AGBL1: variants seen among roughly 807,000 people sequenced by gnomAD.
AGBL1 encodes the protein AGBL carboxypeptidase 1.
In AGBL1, 130 loss-of-function variants were observed where a neutral mutation model predicts 118.9. The observed-to-expected ratio is 1.09, with a 90% confidence interval of 0.95 to 1.26. AGBL1 has a LOEUF of 1.26. AGBL1 is among the 50% of genes most tolerant of loss of function. The pLI is 0.00. For missense variants in AGBL1, 1,584 were observed against 1,298.1 expected (o/e 1.22, Z -3.38); for synonymous variants, 555 against 478.9 (o/e 1.16, Z -2.08).
intron 22 of AGBL1, among the ~76,000 whole-genome samples, chr15:86,888,721 C>A (rs2080007641): frequency 1.3e-5 from 2 of 151,892 alleles, no homozygotes; most frequent in African/African-American, 2.4e-5. Flanking sequence ...CCTCAAGCTG[C>A]TTTAAAACAT....
At position 86,286,735 on chromosome 15, in the gene AGBL1, G is replaced by GTGTATATATATATATATATATATATATA; in HGVS notation, c.2220+6953_2220+6954insGTATATATATATATATATATATATATAT. 1.9e-3 allele frequency among the ~76,000 whole-genome samples: 197 copies of GTGTATATATATATATATATATATATATA among 106,266 alleles called. 15 individuals carry two copies. Among genetic ancestry groups the GTGTATATATATATATATATATATATATA allele is most frequent in the African/African-American group, 5.0e-3 (129 of 25,752 alleles). The allele number at this position is 106,266 out of a possible 152,430, so 69.7% of individuals were successfully genotyped here. On this transcript the variant is annotated intron_variant, in intron 16 of 22. Coordinates refer to ENST00000614907, the MANE Select transcript of AGBL1 (RefSeq NM_001386094.1). ...TATATGTGTGTGTGTGTTTGTGTGTGTATATATATATATAAAACTCCATCA... is the reference window on the plus strand; with the variant it reads ...TATATGTGTGTGTGTGTTTGTGTGTGTGTATATATATATATATATATATATATATATATATATATATAAAACTCCATCA...
intron 22 of AGBL1, among the ~76,000 whole-genome samples, chr15:86,730,907 A>C (rs2077518096): frequency 6.6e-6 from 1 of 152,076 alleles, no homozygotes; most frequent in Admixed American, 6.6e-5. Context: ...GGCTCACTGA[A>C]ACCTCGGCCT....
chr15:86,224,823 G>A (rs2078334464), intron 5 of AGBL1, 91 bp from the exon 6 acceptor site: 2 of 1,221,504 alleles, frequency 1.6e-6, no homozygotes, highest in Non-Finnish European at 2.4e-6. Flanking sequence ...GGTCTGTTAT[G>A]GGGTGGCAAT....
At chr15:86,085,953 T>C (rs1871980557) in intron 1 of AGBL1, among the ~76,000 whole-genome samples, 1 of 152,148 alleles carries the variant, frequency 6.6e-6, no homozygotes, top group Admixed American at 6.5e-5. Flanking sequence ...TGAGCCCAGA[T>C]TTTGGATCTG....
intron 22 of AGBL1, among the ~76,000 whole-genome samples, chr15:86,721,403 C>T (rs7496842): frequency 0.61 from 92,148 of 151,992 alleles, 28,595 homozygotes; most frequent in African/African-American, 0.74. Context: ...AAAAACCATA[C>T]GATTATCTCA....
chr15:86,305,207 T>A (rs941781880), intron 17 of AGBL1: 1 of 152,194 alleles, frequency 6.6e-6, no homozygotes, highest in Non-Finnish European at 1.5e-5. Flanking sequence ...TAGCCAGGCA[T>A]GACCATGAGT....
chr15:86,126,531 C>T (rs1335956300), intron 1 of AGBL1, among the ~76,000 whole-genome samples: 1 of 152,164 alleles, frequency 6.6e-6, no homozygotes, highest in African/African-American at 2.4e-5. Flanking sequence ...AACAGTGCTT[C>T]AAGCACAAGA....
At chr15:86,137,586 GTGTTT>G (rs1163411968) in intron 1 of AGBL1, among the ~76,000 whole-genome samples, 1 of 151,950 alleles carries the variant, frequency 6.6e-6, no homozygotes, top group African/African-American at 2.4e-5. Context: ...AATATTTTTT[GTGTTT>G]TGTTTTAAAT....
chr15:86,772,284 C>T (rs985099416), intron 22 of AGBL1, among the ~76,000 whole-genome samples: 2 of 152,016 alleles, frequency 1.3e-5, no homozygotes, highest in Non-Finnish European at 2.9e-5. Context: ...ATCCCAGCCA[C>T]AGTAGCTGTT....
chr15:86,688,822 T>C (rs2086109682), intron 22 of AGBL1, among the ~76,000 whole-genome samples: 1 of 152,130 alleles, frequency 6.6e-6, no homozygotes, highest in Non-Finnish European at 1.5e-5. Flanking sequence ...TCACAGTTAT[T>C]CCCATCATCA....
At chr15:86,727,464 A>G (rs2086837782) in intron 22 of AGBL1, among the ~76,000 whole-genome samples, 1 of 152,192 alleles carries the variant, frequency 6.6e-6, no homozygotes, top group South Asian at 2.1e-4. Flanking sequence ...TGGCCCTGAC[A>G]CTGGACTATC....
chr15:86,951,117 G>T (rs981800726), intron 23 of AGBL1, among the ~76,000 whole-genome samples: 5 of 152,088 alleles, frequency 3.3e-5, no homozygotes, highest in African/African-American at 1.2e-4. Flanking sequence ...GTTATGCTAG[G>T]TTCAAAAGTC....
intron 22 of AGBL1, among the ~76,000 whole-genome samples, chr15:86,855,984 A>G (rs1169778572): frequency 6.6e-6 from 1 of 152,194 alleles, no homozygotes; most frequent in Non-Finnish European, 1.5e-5. Context: ...CCGGGAGCTC[A>G]AGATTAGTAA....
At chr15:86,200,553 C>T (rs111357336) in intron 5 of AGBL1, among the ~76,000 whole-genome samples, 2 of 84,964 alleles carry the variant, frequency 2.4e-5, no homozygotes. Context: ...GACCCCTACC[C>T]CCCCCCCCCT....
intron 18 of AGBL1, among the ~76,000 whole-genome samples, chr15:86,439,011 C>T (rs911531107): frequency 2.0e-5 from 3 of 152,056 alleles, no homozygotes; most frequent in Non-Finnish European, 2.9e-5. Flanking sequence ...TGTCTCCTGC[C>T]TACCAAGCCC....
intron 17 of AGBL1, among the ~76,000 whole-genome samples, chr15:86,303,088 C>T (rs74364937): frequency 6.6e-4 from 100 of 152,234 alleles, no homozygotes; most frequent in Non-Finnish European, 1.3e-3. Flanking sequence ...GAAGCATTTA[C>T]GTCTTAGACT....
At chr15:86,117,002 T>TGATC in intron 1 of AGBL1, among the ~76,000 whole-genome samples, 1 of 151,850 alleles carries the variant, frequency 6.6e-6, no homozygotes, top group East Asian at 1.9e-4. Flanking sequence ...AGTTGCTTAG[T>TGATC]GATCTATCAA....
intron 19 of AGBL1, among the ~76,000 whole-genome samples, chr15:86,524,915 A>C (rs2142205190): frequency 6.6e-6 from 1 of 152,336 alleles, no homozygotes; most frequent in Admixed American, 6.5e-5. Flanking sequence ...ATCAGGCAAG[A>C]GAAAGAAATA....
rs550265125 is a variant in AGBL1 at position 86,976,423 on chromosome 15, C to A, written c.3222-11564C>A. On this transcript the variant is annotated intron_variant, in intron 23 of 24. Coordinates refer to the AGBL1 transcript ENST00000441037. ...TAAATAGCATTGCATTTGTTTGTTT[C>A]TTTCTCAAGTACCCCAGTTTATTTA... Among the ~76,000 whole-genome samples, 12 of 151,874 alleles carry A rather than the reference C, an allele frequency of 7.9e-5. 1 individual carries two copies. Among genetic ancestry groups the A allele is most frequent in the African/African-American group, 2.9e-4 (12 of 41,502 alleles).
Sources: allele counts gnomAD v4.1 joint callset (sites outside exome capture counted in the v4.1 genomes callset), GRCh38; gene constraint gnomAD v4.1.1; transcripts MANE v1.5; gene names NCBI Gene and HGNC (gene_info 2026-07-23, HGNC 2026-07-21).